Variants in DDR2 observed in about 807,000 individuals in gnomAD.
The protein encoded by DDR2 is discoidin domain-containing receptor 2.
Under a neutral mutation model 94.9 loss-of-function variants are expected in DDR2, and 27 were observed. That is an observed-to-expected ratio of 0.28 (90% CI 0.21 to 0.39). The LOEUF (loss-of-function observed/expected upper bound fraction) is 0.39. Among genes scored for constraint, DDR2 ranks in the 10% least tolerant of loss-of-function variants. The pLI, the probability that DDR2 is intolerant of heterozygous loss-of-function variation, is 1.00. For synonymous variants in DDR2, 382 were observed against 377.2 expected, an observed-to-expected ratio of 1.01 and a Z score of -0.15; for missense variants, 783 against 1,076.0, an observed-to-expected ratio of 0.73 and a Z score of 3.81.
In DDR2 at chr1:162,652,943, A is replaced by G. The variant is rs1256227438; in HGVS notation, c.-191-2268A>G. Among the ~76,000 whole-genome samples, 3 of 152,044 alleles carry G rather than the reference A, an allele frequency of 2.0e-5. No homozygotes were observed. In the East Asian group the frequency reaches 5.8e-4, roughly 29 times the overall value. On this transcript the variant is annotated intron_variant, in intron 1 of 17. Coordinates refer to ENST00000367921, the MANE Select transcript of DDR2 (RefSeq NM_006182.4). Reference sequence around the variant, plus strand: ...TACAATGGCAAAACCTTGTCTGTACAAAAAATACAAAAGTTAGCTGGGCGT... The same window carrying G: ...TACAATGGCAAAACCTTGTCTGTACGAAAAATACAAAAGTTAGCTGGGCGT...
intron 3 of DDR2, among the ~76,000 whole-genome samples, chr1:162,728,250 A>G (rs1388335159): frequency 6.7e-6 from 1 of 149,268 alleles, no homozygotes; most frequent in African/African-American, 2.5e-5. Flanking sequence ...ATATACATAC[A>G]TAGTCCATAA....
intron 3 of DDR2, among the ~76,000 whole-genome samples, chr1:162,728,152 A>C (rs973757381): frequency 1.0e-3 from 143 of 140,034 alleles, no homozygotes; most frequent in African/African-American, 3.5e-3. Context: ...ATATAGATAT[A>C]TCTATATAAA....
intron 2 of DDR2, among the ~76,000 whole-genome samples, chr1:162,704,684 T>C (rs1660583278): frequency 6.6e-6 from 1 of 152,118 alleles, no homozygotes; most frequent in Non-Finnish European, 1.5e-5. Flanking sequence ...AAAAGGACCC[T>C]GAAAGAGGGT....
chr1:162,760,775 A>T (rs1370500747), intron 8 of DDR2, among the ~76,000 whole-genome samples: 1 of 151,836 alleles, frequency 6.6e-6, no homozygotes, highest in Non-Finnish European at 1.5e-5. Context: ...ATGTTGCTGG[A>T]CTGCAGTTTT....
chr1:162,676,279 T>C (rs1289491382), intron 2 of DDR2, among the ~76,000 whole-genome samples: 1 of 152,136 alleles, frequency 6.6e-6, no homozygotes. Context: ...CAGCTCGGCC[T>C]TGTAATTCCA....
At chr1:162,658,076 C>T (rs1016538063) in intron 2 of DDR2, among the ~76,000 whole-genome samples, 5 of 152,156 alleles carry the variant, frequency 3.3e-5, no homozygotes, top group Non-Finnish European at 7.3e-5. Flanking sequence ...TTAATTTCTC[C>T]TTGAAAGGGA....
intron 7 of DDR2, among the ~76,000 whole-genome samples, chr1:162,758,386 CTAAAG>C (rs1209377919): frequency 6.6e-6 from 1 of 152,102 alleles, no homozygotes; most frequent in Non-Finnish European, 1.5e-5. Context: ...TTTAATAACT[CTAAAG>C]TATATAAATA....
intron 2 of DDR2, among the ~76,000 whole-genome samples, chr1:162,658,961 A>G (rs1658160075): frequency 2.0e-5 from 3 of 152,204 alleles, no homozygotes; most frequent in Admixed American, 2.0e-4. Context: ...AGCAGACTTC[A>G]GTAACATGAA....
intron 2 of DDR2, among the ~76,000 whole-genome samples, chr1:162,712,642 A>C (rs1264853679): frequency 6.6e-6 from 1 of 152,052 alleles, no homozygotes; most frequent in African/African-American, 2.4e-5. Context: ...CTTTGAAATC[A>C]ATTTGGAATG....
chr1:162,758,720 C>T (rs1295020542), intron 7 of DDR2, among the ~76,000 whole-genome samples: 1 of 151,926 alleles, frequency 6.6e-6, no homozygotes, highest in African/African-American at 2.4e-5. Flanking sequence ...GCATAATCAC[C>T]CTTAGTATTT....
At chr1:162,641,261 C>T (rs185032038) in intron 1 of DDR2, among the ~76,000 whole-genome samples, 256 of 152,288 alleles carry the variant, frequency 1.7e-3, no homozygotes, top group African/African-American at 5.9e-3. Flanking sequence ...TTATGCTAAT[C>T]GCTGTCCTGT....
chr1:162,668,187 G>T (rs2101932197), intron 2 of DDR2, among the ~76,000 whole-genome samples: 1 of 152,224 alleles, frequency 6.6e-6, no homozygotes, highest in Non-Finnish European at 1.5e-5. Flanking sequence ...ACAGCCTGTG[G>T]GCCAGCAGCC....
chr1:162,648,691 G>T (rs1657535031), intron 1 of DDR2, among the ~76,000 whole-genome samples: 1 of 152,174 alleles, frequency 6.6e-6, no homozygotes, highest in African/African-American at 2.4e-5. Flanking sequence ...AAGGGACAGG[G>T]TTTAGACCAG....
chr1:162,651,951 G>A (rs910518271), intron 1 of DDR2, among the ~76,000 whole-genome samples: 2 of 152,178 alleles, frequency 1.3e-5, no homozygotes, highest in South Asian at 2.1e-4. Flanking sequence ...TGTCTCACCT[G>A]TGAAATCTCA....
intron 2 of DDR2, among the ~76,000 whole-genome samples, chr1:162,698,888 G>A (rs1028993160): frequency 2.0e-5 from 3 of 152,178 alleles, no homozygotes; most frequent in Admixed American, 2.0e-4. Context: ...CTAAAGCCCA[G>A]TCCTTGGGGT....
chr1:162,688,377 T>C (rs934121838), intron 2 of DDR2, among the ~76,000 whole-genome samples: 1 of 152,248 alleles, frequency 6.6e-6, no homozygotes, highest in Non-Finnish European at 1.5e-5. Context: ...ACAGGTTAAC[T>C]CTACTTCCTC....
At chr1:162,705,745 G>A (rs1454692072) in intron 2 of DDR2, among the ~76,000 whole-genome samples, 1 of 152,186 alleles carries the variant, frequency 6.6e-6, no homozygotes, top group Non-Finnish European at 1.5e-5. Flanking sequence ...TAGAACTCAG[G>A]CCCAGAGGCC....
rs1663735413 is a variant in DDR2, at chr1:162,761,396, G to A, written c.1041G>A (p.Lys347=). ...PLHHRMASAI[K]CQYHFADTWM... is the part of the protein sequence containing the mutation. ...ACCACCGAATGGCCAGTGCCATCAA[G>A]TGTCAATACCATTTTGCAGATACCT... The change falls in exon 9 of 18, where the codon AAG becomes AAA. Residue 347 remains lysine (K), a synonymous_variant. Coordinates refer to ENST00000367921, the MANE Select transcript of DDR2 (RefSeq NM_006182.4). The A allele has an allele frequency of 9.3e-6, 15 of 1,614,184 alleles. No individual in the cohort carries two copies. Among genetic ancestry groups the A allele is most frequent in the African/African-American group, 1.3e-5 (1 of 75,042 alleles).
intron 1 of DDR2, among the ~76,000 whole-genome samples, chr1:162,653,155 C>A (rs933416722): frequency 2.6e-5 from 4 of 152,152 alleles, no homozygotes; most frequent in East Asian, 3.9e-4. Flanking sequence ...GCATTTGAGA[C>A]CTTCAGTGTG....
Sources: gnomAD v4.1 joint callset for allele counts (sites outside exome capture counted in the v4.1 genomes callset) on GRCh38, gnomAD v4.1.1 for gene constraint, MANE v1.5 for transcripts, NCBI Gene and HGNC (gene_info 2026-07-23, HGNC 2026-07-21) for gene names.